The following RBFOX1 variants were observed in gnomAD, a reference collection of about 807,000 sequenced individuals.
The protein encoded by RBFOX1 is RNA binding protein fox-1 homolog 1.
In RBFOX1, 8 loss-of-function variants were observed where a neutral mutation model predicts 57.7. That is an observed-to-expected ratio of 0.14 (90% confidence interval 0.08 to 0.25). RBFOX1 has a LOEUF of 0.25. Among genes scored for constraint, RBFOX1 ranks in the 10% least tolerant of loss-of-function variants. The pLI, the probability that RBFOX1 is intolerant of heterozygous loss-of-function variation, is 1.00. For missense variants in RBFOX1, 611 were observed against 548.5 expected (o/e 1.11, Z -1.14); for synonymous variants, 326 against 222.4 (o/e 1.47, Z -4.15).
intron 4 of RBFOX1, among the ~76,000 whole-genome samples, chr16:7,313,908 G>A (rs1487199341): frequency 1.3e-5 from 2 of 152,180 alleles, no homozygotes; most frequent in East Asian, 1.9e-4. Flanking sequence ...TTTACGGAGA[G>A]ACCTCTGCCA....
intron 4 of RBFOX1, among the ~76,000 whole-genome samples, chr16:7,161,253 T>G (rs927929220): frequency 1.3e-5 from 2 of 152,188 alleles, no homozygotes; most frequent in African/African-American, 4.8e-5. Context: ...TATGATTGAT[T>G]AATGATGTCT....
intron 2 of RBFOX1, among the ~76,000 whole-genome samples, chr16:6,594,941 A>G (rs1028265503): frequency 6.6e-6 from 1 of 152,068 alleles, no homozygotes; most frequent in African/African-American, 2.4e-5. Flanking sequence ...GGTGCGTGCC[A>G]CCACACCGGG....
At position 5,891,342 on chromosome 16, in the gene RBFOX1, C is replaced by G. The variant is rs901163010; in HGVS notation, c.351+24007C>G. 3.3e-5 allele frequency among the ~76,000 whole-genome samples: 5 copies of G among 152,200 alleles called. No homozygotes were observed. The East Asian group carries it at 9.7e-4, about 29-fold the overall frequency. ...AGCACACGTCCAGGTAGGGGGATGC[C>G]CTTGGTTTCAAGTTCTTTGTGTTCT... is the stretch of plus-strand genomic sequence containing the variant. On this transcript the variant is annotated intron_variant, in intron 4 of 19. Coordinates refer to the RBFOX1 transcript ENST00000641259.
intron 14 of RBFOX1, among the ~76,000 whole-genome samples, chr16:7,702,130 G>T (rs1335897405): frequency 6.6e-6 from 1 of 152,170 alleles, no homozygotes; most frequent in Non-Finnish European, 1.5e-5. Context: ...GATGCGCACT[G>T]GGATTAGCCC....
At chr16:7,123,479 C>G (rs891355664) in intron 4 of RBFOX1, among the ~76,000 whole-genome samples, 4 of 152,128 alleles carry the variant, frequency 2.6e-5, no homozygotes, top group African/African-American at 9.7e-5. Flanking sequence ...ATCCTCCTGC[C>G]TTAGCTTCCT....
At chr16:6,103,797 A>G (rs988577833) in intron 1 of RBFOX1, among the ~76,000 whole-genome samples, 25 of 152,156 alleles carry the variant, frequency 1.6e-4, no homozygotes, top group African/African-American at 5.6e-4. Context: ...GTAGCATGGG[A>G]AAGAGTCTCC....
intron 1 of RBFOX1, among the ~76,000 whole-genome samples, chr16:5,322,131 G>C (rs1322201915): frequency 1.3e-5 from 2 of 152,166 alleles, no homozygotes; most frequent in Non-Finnish European, 2.9e-5. Flanking sequence ...CTCAAGCTCT[G>C]AGTCATATTT....
chr16:6,196,158 C>T (rs867257111), intron 1 of RBFOX1, among the ~76,000 whole-genome samples: 2 of 152,168 alleles, frequency 1.3e-5, no homozygotes, highest in South Asian at 2.1e-4. Context: ...GCTTCATTGT[C>T]TCCCTTTTCA....
chr16:6,259,008 T>C (rs1047766839), intron 1 of RBFOX1, among the ~76,000 whole-genome samples: 11 of 152,192 alleles, frequency 7.2e-5, no homozygotes, highest in Non-Finnish European at 1.6e-4. Context: ...TAACAAGATA[T>C]AGACTTTCTT....
chr16:6,670,232 T>A (rs1395942619), intron 3 of RBFOX1, among the ~76,000 whole-genome samples: 4 of 146,280 alleles, frequency 2.7e-5, no homozygotes, highest in Non-Finnish European at 4.5e-5. Context: ...CCTGGCTATG[T>A]TTTTTTTTTT....
Position 6,460,827 on chromosome 16 carries a change from C to CAAAAAAA in RBFOX1, c.-64+143778_-64+143784dup, listed in dbSNP as rs57208986. ...TTAATAGAAGCACTATTCAGAATAC[C>CAAAAAAA]AAAAAAAAAAAAAAGTGGAATCAAC... On this transcript the variant is annotated intron_variant, in intron 2 of 15. Coordinates refer to ENST00000550418, the MANE Select transcript of RBFOX1 (RefSeq NM_018723.4). Among the ~76,000 whole-genome samples, 65 of 141,330 alleles carry CAAAAAAA rather than the reference C, an allele frequency of 4.6e-4. 1 individual carries two copies. Among genetic ancestry groups the CAAAAAAA allele is most frequent in the Admixed American group, 2.1e-3 (29 of 14,138 alleles). The allele number at this position is 141,330 out of a possible 152,430, so 92.7% of individuals were successfully genotyped here. A position where few individuals can be genotyped will look rare whatever the true frequency, so the allele number is the denominator to read the frequency against.
chr16:7,455,230 T>A (rs1202286216), intron 4 of RBFOX1, among the ~76,000 whole-genome samples: 1 of 152,212 alleles, frequency 6.6e-6, no homozygotes. Context: ...GCTAAATAAG[T>A]GGTGGTTTTA....
chr16:6,246,839 C>T (rs930292688), intron 1 of RBFOX1, among the ~76,000 whole-genome samples: 9 of 152,080 alleles, frequency 5.9e-5, no homozygotes, highest in African/African-American at 1.7e-4. Context: ...ATGGCTGAGG[C>T]GGGCGGATCA....
intron 2 of RBFOX1, among the ~76,000 whole-genome samples, chr16:6,361,167 C>G (rs1323188696): frequency 6.6e-6 from 1 of 152,012 alleles, no homozygotes; most frequent in Non-Finnish European, 1.5e-5. Context: ...GGTTATGTGT[C>G]TCAATCACTG....
At chr16:6,194,531 C>G (rs920938187) in intron 1 of RBFOX1, among the ~76,000 whole-genome samples, 1 of 152,142 alleles carries the variant, frequency 6.6e-6, no homozygotes, top group East Asian at 1.9e-4. Context: ...GTACTCATTT[C>G]TCTGTCTTTA....
At chr16:6,221,851 G>A (rs1258881152) in intron 1 of RBFOX1, among the ~76,000 whole-genome samples, 2 of 152,134 alleles carry the variant, frequency 1.3e-5, no homozygotes, top group African/African-American at 4.8e-5. Flanking sequence ...CCATGATCCA[G>A]TTTTCTCCAT....
chr16:6,834,099 C>G lies in RBFOX1; in HGVS notation c.-16+179449C>G, dbSNP rs74421358. On this transcript the variant is annotated intron_variant, in intron 3 of 15. Coordinates refer to ENST00000550418, the MANE Select transcript of RBFOX1 (RefSeq NM_018723.4). ...TATTTTTTTGAGGCGGAGTCTCCCTCTTTCGCCCGGGCTGGTGTGCAGTGG... is the reference window on the plus strand; with the variant it reads ...TATTTTTTTGAGGCGGAGTCTCCCTGTTTCGCCCGGGCTGGTGTGCAGTGG... 6.5e-3 allele frequency among the ~76,000 whole-genome samples: 991 copies of G among 152,044 alleles called. 13 individuals are homozygous for G. Among genetic ancestry groups the G allele is most frequent in the African/African-American group, 0.022 (931 of 41,438 alleles).
chr16:7,273,004 T>C (rs749529344), intron 4 of RBFOX1, among the ~76,000 whole-genome samples: 3 of 130,242 alleles, frequency 2.3e-5, no homozygotes, highest in South Asian at 2.9e-4. Flanking sequence ...CCTTCCTTCC[T>C]CCCTTCCTTT....
intron 3 of RBFOX1, among the ~76,000 whole-genome samples, chr16:6,851,185 G>A (rs1273832294): frequency 1.3e-5 from 2 of 152,026 alleles, no homozygotes; most frequent in Non-Finnish European, 2.9e-5. Context: ...GTATCTAAAG[G>A]TTACATACAA....
Sources: allele counts gnomAD v4.1 joint callset (sites outside exome capture counted in the v4.1 genomes callset), GRCh38; gene constraint gnomAD v4.1.1; transcripts MANE v1.5; gene names NCBI Gene and HGNC (gene_info 2026-07-23, HGNC 2026-07-21).